SLC10A7: variants seen among roughly 807,000 people sequenced by gnomAD.
SLC10A7 encodes sodium/bile acid cotransporter 7.
Under a neutral mutation model 43.2 loss-of-function variants are expected in SLC10A7, and 29 were observed. The ratio of observed to expected loss-of-function variants is 0.67; its 90% confidence interval spans 0.50 to 0.92. The LOEUF is 0.92. Ranked by LOEUF, SLC10A7 falls within the 40% of genes least tolerant of loss-of-function variation. The probability of loss-of-function intolerance (pLI) is 0.00; values close to 1 mark genes in which losing one functional copy is unlikely to be tolerated. For synonymous variants in SLC10A7, 152 were observed against 144.8 expected (o/e 1.05, Z -0.35); for missense variants, 295 against 403.2 (o/e 0.73, Z 2.30).
intron 4 of SLC10A7, 39 bp downstream of exon 4, chr4:146,503,810 C>T: frequency 1.3e-6 from 2 of 1,563,802 alleles, no homozygotes; most frequent in Non-Finnish European, 1.8e-6. Flanking sequence ...AAAAGCACAG[C>T]ATGCACTTAT....
intron 5 of SLC10A7, among the ~76,000 whole-genome samples, chr4:146,348,093 G>T (rs780243465): frequency 6.6e-6 from 1 of 152,052 alleles, no homozygotes; most frequent in Non-Finnish European, 1.5e-5. Context: ...TAACTAATGG[G>T]GGTCACCAAG....
At chr4:146,316,065 ACT>A (rs1468153688) in intron 6 of SLC10A7, among the ~76,000 whole-genome samples, 1 of 152,090 alleles carries the variant, frequency 6.6e-6, no homozygotes, top group Non-Finnish European at 1.5e-5. Flanking sequence ...CACTTGTACC[ACT>A]GTTTCATAAG....
At position 146,514,778 on chromosome 4, in the gene SLC10A7, A is replaced by T. The variant is rs1737796727; in HGVS notation, c.183+2260T>A. Reference sequence around the variant, plus strand: ...ATTTAGGATTACTAACTAGTAAACAAATATGACTGCTACCTCCTAAGTTAC... The same window carrying T: ...ATTTAGGATTACTAACTAGTAAACATATATGACTGCTACCTCCTAAGTTAC... On this transcript the variant is annotated intron_variant, in intron 2 of 11. Transcript: ENST00000335472. 1.8e-5 allele frequency: 4 copies of T among 218,424 alleles called. No individual in the cohort carries two copies. In the South Asian group the frequency reaches 6.2e-4, roughly 34 times the overall value. 13.5% of individuals were successfully genotyped at this position (218,424 alleles called of 1,614,324 possible). A position where few individuals can be genotyped will look rare whatever the true frequency, so the allele number is the denominator to read the frequency against.
chr4:146,280,404 T>C (rs1338527190), intron 10 of SLC10A7, among the ~76,000 whole-genome samples: 1 of 152,186 alleles, frequency 6.6e-6, no homozygotes, highest in Non-Finnish European at 1.5e-5. Context: ...TGCATTTCCA[T>C]GCAGGGATGT....
chr4:146,313,399 A>C (rs980036943), intron 6 of SLC10A7, among the ~76,000 whole-genome samples: 2 of 152,192 alleles, frequency 1.3e-5, no homozygotes, highest in Non-Finnish European at 2.9e-5. Context: ...AAAACTGCTT[A>C]CTAGGTGCTT....
intron 6 of SLC10A7, among the ~76,000 whole-genome samples, chr4:146,313,182 C>T (rs932982246): frequency 6.6e-6 from 1 of 152,166 alleles, no homozygotes; most frequent in Non-Finnish European, 1.5e-5. Flanking sequence ...AGGAGCACCC[C>T]CAGTAGCTGG....
chr4:146,499,007 G>T (rs1736169475), intron 4 of SLC10A7, among the ~76,000 whole-genome samples: 1 of 152,058 alleles, frequency 6.6e-6, no homozygotes, highest in Non-Finnish European at 1.5e-5. Flanking sequence ...CATTTCAAAT[G>T]ACACCATTAC....
At chr4:146,301,480 G>A (rs1337334225) in intron 7 of SLC10A7, among the ~76,000 whole-genome samples, 3 of 152,214 alleles carry the variant, frequency 2.0e-5, no homozygotes, top group Non-Finnish European at 4.4e-5. Context: ...AAGTTTTTAA[G>A]GAGAGGAATA....
At chr4:146,424,476 T>C (rs190781493) in intron 5 of SLC10A7, among the ~76,000 whole-genome samples, 1 of 151,894 alleles carries the variant, frequency 6.6e-6, no homozygotes, top group Non-Finnish European at 1.5e-5. Context: ...GCCTGGCCAA[T>C]GTAGTGAGAC....
intron 4 of SLC10A7, among the ~76,000 whole-genome samples, chr4:146,478,554 T>A (rs956586848): frequency 1.3e-5 from 2 of 152,180 alleles, no homozygotes; most frequent in Admixed American, 1.3e-4. Context: ...CAAATCAGAT[T>A]AATTCCTCAC....
chr4:146,323,933 G>C (rs937699668), intron 6 of SLC10A7, among the ~76,000 whole-genome samples: 8 of 152,084 alleles, frequency 5.3e-5, no homozygotes, highest in East Asian at 1.9e-4. Context: ...CCCATCATCT[G>C]AGCCCAAAAT....
chr4:146,503,121 T>C (rs963638183), intron 4 of SLC10A7, among the ~76,000 whole-genome samples: 1 of 152,046 alleles, frequency 6.6e-6, no homozygotes. Context: ...AAAATGAAAA[T>C]AGATGTTGAA....
intron 5 of SLC10A7, among the ~76,000 whole-genome samples, chr4:146,356,154 T>C (rs1255800927): frequency 6.6e-6 from 1 of 151,178 alleles, no homozygotes; most frequent in Non-Finnish European, 1.5e-5. Flanking sequence ...TTGGCTCTCA[T>C]GCATACTTAC....
chr4:146,368,015 T>C (rs1240289743), intron 5 of SLC10A7, among the ~76,000 whole-genome samples: 1 of 152,164 alleles, frequency 6.6e-6, no homozygotes, highest in African/African-American at 2.4e-5. Flanking sequence ...CTAAAAACTT[T>C]CCTTAAGTTT....
At chr4:146,332,199 C>T (rs1733585477) in intron 5 of SLC10A7, among the ~76,000 whole-genome samples, 1 of 152,184 alleles carries the variant, frequency 6.6e-6, no homozygotes, top group Admixed American at 6.5e-5. Context: ...GGTCTAGCAG[C>T]TGACAGGAAC....
intron 5 of SLC10A7, among the ~76,000 whole-genome samples, chr4:146,375,096 C>T (rs1489182451): frequency 6.6e-6 from 1 of 152,114 alleles, no homozygotes; most frequent in African/African-American, 2.4e-5. Context: ...ATCCTAGCTA[C>T]TCAGGAGGCT....
At chr4:146,403,914 T>A (rs1739392429) in intron 5 of SLC10A7, among the ~76,000 whole-genome samples, 1 of 152,226 alleles carries the variant, frequency 6.6e-6, no homozygotes, top group Admixed American at 6.5e-5. Flanking sequence ...CCATGATGGC[T>A]TTGATAGATG....
intron 5 of SLC10A7, among the ~76,000 whole-genome samples, chr4:146,326,917 G>GAC (rs71640636): frequency 0.014 from 2,112 of 147,274 alleles, 28 homozygotes; most frequent in Middle Eastern, 0.024. Context: ...GAGAGGGACA[G>GAC]ACACACACAC....
chr4:146,271,097 G>A (rs1031940592), intron 10 of SLC10A7, among the ~76,000 whole-genome samples: 14 of 152,226 alleles, frequency 9.2e-5, no homozygotes, highest in South Asian at 2.1e-4. Context: ...TTCTCAGTCC[G>A]TGGAGCTCTT....
Sources: gnomAD v4.1 joint callset for allele counts (sites outside exome capture counted in the v4.1 genomes callset) on GRCh38, gnomAD v4.1.1 for gene constraint, MANE v1.5 for transcripts, NCBI Gene and HGNC (gene_info 2026-07-23, HGNC 2026-07-21) for gene names.